The following DOCK9 variants were observed in gnomAD, a reference collection of about 807,000 sequenced individuals.
The protein encoded by DOCK9 is dedicator of cytokinesis 9, also known as dedicator of cytokinesis protein 9.
In DOCK9, 89 loss-of-function variants were observed where a neutral mutation model predicts 263.3. The observed-to-expected ratio is 0.34, with a 90% confidence interval of 0.28 to 0.40. DOCK9 has a LOEUF of 0.40. Among genes scored for constraint, DOCK9 ranks in the 10% least tolerant of loss-of-function variants. The pLI, the probability that DOCK9 is intolerant of heterozygous loss-of-function variation, is 1.00. For synonymous variants in DOCK9, 976 were observed against 973.1 expected (o/e 1.00, Z -0.06); for missense variants, 2,140 against 2,603.4 (o/e 0.82, Z 3.87).
intron 1 of DOCK9, among the ~76,000 whole-genome samples, chr13:99,030,854 A>G (rs1887260561): frequency 6.6e-6 from 1 of 152,198 alleles, no homozygotes; most frequent in South Asian, 2.1e-4. Flanking sequence ...CACTCCCCAC[A>G]CTAATGTTAC....
intron 1 of DOCK9, among the ~76,000 whole-genome samples, chr13:99,079,720 T>A (rs1470683268): frequency 6.6e-6 from 1 of 152,202 alleles, no homozygotes; most frequent in Non-Finnish European, 1.5e-5. Flanking sequence ...TCCAACTGGT[T>A]TCTTCCTGAA....
intron 35 of DOCK9, among the ~76,000 whole-genome samples, 174 bp downstream of exon 35, chr13:98,853,234 C>G (rs1033873366): frequency 7.2e-5 from 11 of 152,094 alleles, no homozygotes; most frequent in African/African-American, 2.7e-4. Context: ...GTTCTTATTT[C>G]TAAGAACCTT....
chr13:99,027,580 A>T (rs146736496), intron 1 of DOCK9, among the ~76,000 whole-genome samples: 13 of 152,332 alleles, frequency 8.5e-5, no homozygotes, highest in African/African-American at 2.9e-4. Context: ...AAGTATTGTC[A>T]CCATGAATCA....
intron 1 of DOCK9, among the ~76,000 whole-genome samples, chr13:99,043,733 G>C (rs1448867787): frequency 1.3e-5 from 2 of 152,140 alleles, no homozygotes; most frequent in African/African-American, 4.8e-5. Context: ...TAATAATGAA[G>C]GAGAACTTAC....
chr13:98,958,103 T>C (rs1314837022), intron 1 of DOCK9, among the ~76,000 whole-genome samples: 1 of 152,252 alleles, frequency 6.6e-6, no homozygotes, highest in African/African-American at 2.4e-5. Flanking sequence ...GAATGGGCTG[T>C]TCCCAGGTGC....
At position 98,888,212 on chromosome 13, in the gene DOCK9, A is replaced by C. The variant is rs1294931002; in HGVS notation, c.1989T>G (p.Ile663Met). ...AATCTTTGAATTCAATGCAAATCGC[A>C]ATATTTCTAGCCTGCAGCAATAAAC... is the stretch of plus-strand genomic sequence containing the variant. ...SQKSFAKARN[I>M]AICIEFKDSD... Residue 663 changes from isoleucine to methionine, a missense_variant, in exon 18 of 53, where the codon ATT becomes ATG. Ile to Met is a conservative substitution (Grantham distance 10). This residue lies in a region of DOCK9 where 1,521 missense variants were observed against 1,741.7 expected (regional missense o/e 0.87). Transcript: ENST00000682017. 2 of 1,610,910 alleles carry C rather than the reference A, an allele frequency of 1.2e-6. No homozygotes were observed. The highest frequency in any genetic ancestry group is 1.7e-6 in the Non-Finnish European group (2 of 1,178,450).
At chr13:98,828,133 A>T (rs2092617766) in intron 43 of DOCK9, among the ~76,000 whole-genome samples, 1 of 152,198 alleles carries the variant, frequency 6.6e-6, no homozygotes, top group African/African-American at 2.4e-5. Flanking sequence ...CAACACAAAG[A>T]GCTCAGGGAC....
chr13:98,887,445 T>C (rs1410547780), intron 18 of DOCK9, among the ~76,000 whole-genome samples: 1 of 150,148 alleles, frequency 6.7e-6, no homozygotes, highest in Non-Finnish European at 1.5e-5. Context: ...TGAAACCCCG[T>C]CTCTACTAAA....
At chr13:98,817,451 C>CTTCTT (rs2091947722) in intron 45 of DOCK9, among the ~76,000 whole-genome samples, 1 of 97,632 alleles carries the variant, frequency 1.0e-5, no homozygotes, top group Non-Finnish European at 1.8e-5. Context: ...ATACACCCAG[C>CTTCTT]TTTTTTTTTT....
chr13:98,800,448 C>G lies in DOCK9; in HGVS notation c.5756G>C (p.Arg1919Pro). The change falls in exon 50 of 53, where the codon CGC (arginine) becomes CCC (proline). Residue 1919 changes from arginine (R) to proline (P), a missense_variant. By Grantham distance (103) the Arg-to-Pro change is moderately radical (BLOSUM62 -2). Around this residue, in one of 2 missense-constraint regions of DOCK9, gnomAD observed 619 missense variants for 861.8 expected, o/e 0.72. Transcript: ENST00000682017. ...AIHCFPYVKKRIPVMYQHHTD... is the reference protein window; with the variant it reads ...AIHCFPYVKKPIPVMYQHHTD... ...GTGGTGCTGGTACATGACAGGGATG[C>G]GCTTCTTCACATAAGGGAAGCAGTG... 2 of 1,613,958 alleles carry G rather than the reference C, an allele frequency of 1.2e-6. No individual in the cohort carries two copies. The highest frequency in any genetic ancestry group is 1.7e-6 in the Non-Finnish European group (2 of 1,179,856).
Position 98,804,973 on chromosome 13 carries a change from G to T in DOCK9, c.5725+26C>A, listed in dbSNP as rs765141577. 4.4e-6 allele frequency: 7 copies of T among 1,575,652 alleles called. No homozygotes were observed. In the African/African-American group the frequency reaches 8.1e-5, roughly 18 times the overall value. ...TCTTTGGCGAGGTGTCCGGGCTCGT[G>T]TCCATGCGGCTTCTGGGGCCCATAC... On this transcript the variant is annotated intron_variant, in intron 49 of 52. Transcript: ENST00000682017.
At chr13:98,846,401 T>C in intron 37 of DOCK9, 1 of 798,798 alleles carries the variant, frequency 1.3e-6, no homozygotes, top group East Asian at 5.6e-5. Flanking sequence ...TTTTGGATTA[T>C]ATATGTTCTG....
intron 1 of DOCK9, among the ~76,000 whole-genome samples, chr13:98,969,315 G>T (rs1193109229): frequency 6.6e-6 from 1 of 152,154 alleles, no homozygotes. Flanking sequence ...TTTGGATATT[G>T]ATGGCTAAAC....
intron 35 of DOCK9, among the ~76,000 whole-genome samples, chr13:98,850,873 T>C (rs546772969): frequency 6.6e-6 from 1 of 152,288 alleles, no homozygotes; most frequent in East Asian, 1.9e-4. Context: ...AGCTAACCTT[T>C]TTTGCATTCT....
intron 38 of DOCK9, among the ~76,000 whole-genome samples, chr13:98,840,987 G>A (rs1187029445): frequency 6.6e-6 from 1 of 152,130 alleles, no homozygotes; most frequent in African/African-American, 2.4e-5. Flanking sequence ...GTTTTATTGA[G>A]TTCAAACATT....
chr13:98,905,196 T>C (rs2048900216), intron 9 of DOCK9, among the ~76,000 whole-genome samples: 1 of 152,110 alleles, frequency 6.6e-6, no homozygotes, highest in African/African-American at 2.4e-5. Context: ...TTTTGAATGA[T>C]GAGATAGAGA....
In DOCK9 at chr13:98,831,606, G is replaced by A. The variant is rs779137892; in HGVS notation, c.4452+43C>T. 10 of 1,603,896 alleles carry A rather than the reference G, an allele frequency of 6.2e-6. No homozygotes were observed. The Admixed American group carries it at 8.5e-5, about 14-fold the overall frequency. Reference sequence around the variant, plus strand: ...CGGTAATGTACCCTTCAATTCCGGGGGAAGAAGGAAAACATCTAACCACTG... The same window carrying A: ...CGGTAATGTACCCTTCAATTCCGGGAGAAGAAGGAAAACATCTAACCACTG... On this transcript the variant is annotated intron_variant, in intron 40 of 52. Transcript: ENST00000682017.
chr13:98,989,342 TG>T (rs1424045023), intron 1 of DOCK9, among the ~76,000 whole-genome samples: 260 of 127,478 alleles, frequency 2.0e-3, no homozygotes, highest in South Asian at 5.7e-3. Flanking sequence ...ATGATGATGA[TG>T]ATGATAATAA....
chr13:98,988,231 C>T (rs1314523628), intron 1 of DOCK9, among the ~76,000 whole-genome samples: 3 of 152,096 alleles, frequency 2.0e-5, no homozygotes, highest in African/African-American at 4.8e-5. Context: ...GTATTCATTT[C>T]GGGAACAAAA....
Sources: gnomAD v4.1 joint callset for allele counts (sites outside exome capture counted in the v4.1 genomes callset) on GRCh38, gnomAD v4.1.1 for gene constraint, gnomAD v4.1.1 regional missense constraint, MANE v1.5 for transcripts, NCBI Gene and HGNC (gene_info 2026-07-23, HGNC 2026-07-21) for gene names.